Variants in GXYLT1 observed in about 807,000 individuals in gnomAD.
GXYLT1 encodes glycosyltransferase 8 domain containing 3.
A neutral mutation model predicts 54.0 loss-of-function variants in GXYLT1; 29 were observed. The observed-to-expected ratio is 0.54, with a 90% CI of 0.40 to 0.73. The LOEUF is 0.73. Among genes scored for constraint, GXYLT1 ranks in the 30% least tolerant of loss-of-function variants. GXYLT1 has a pLI of 0.00. For synonymous variants in GXYLT1, 176 were observed against 204.1 expected (o/e 0.86, Z 1.17); for missense variants, 490 against 553.4 (o/e 0.89, Z 1.15).
At position 42,086,293 on chromosome 12, in the gene GXYLT1, T is replaced by TAGG. The variant is rs1372556579; in HGVS notation, c.*1492_*1493insCCT. ...TTATCAACTTCTAATGCACCCTGCT[T>TAGG]AAACTTTCCTCTCTCAATTTGTCCC... On this transcript the variant is annotated 3_prime_UTR_variant, in exon 8 of 8. Coordinates refer to ENST00000398675, the MANE Select transcript of GXYLT1 (RefSeq NM_173601.2). 1 of 152,302 alleles carries TAGG rather than the reference T, an allele frequency of 6.6e-6. No homozygotes were observed. Among genetic ancestry groups the TAGG allele is most frequent in the Non-Finnish European group, 1.5e-5 (1 of 68,100 alleles). 9.4% of individuals were successfully genotyped at this position (152,302 alleles called of 1,614,324 possible).
chr12:42,090,400 C>G (rs1240494968), intron 7 of GXYLT1, among the ~76,000 whole-genome samples: 1 of 152,190 alleles, frequency 6.6e-6, no homozygotes, highest in African/African-American at 2.4e-5. Flanking sequence ...ATACTATATA[C>G]TATGCCTGAC....
Position 42,086,949 on chromosome 12 carries a change from A to G in GXYLT1, c.*837T>C, listed in dbSNP as rs2065297292. 1 of 152,140 alleles carries G rather than the reference A, an allele frequency of 6.6e-6. No individual in the cohort carries two copies. The highest frequency in any genetic ancestry group is 1.5e-5 in the Non-Finnish European group (1 of 68,024). The allele number at this position is 152,140 out of a possible 1,614,324, so 9.4% of individuals were successfully genotyped here. On this transcript the variant is annotated 3_prime_UTR_variant, in exon 8 of 8. Coordinates refer to ENST00000398675, the MANE Select transcript of GXYLT1 (RefSeq NM_173601.2). The stretch of plus-strand genomic sequence containing the variant: ...AGTATACTCTTAAGGTTCTCACTTT[A>G]CCATCAGCATAATATATTTTGCTTC...
intron 1 of GXYLT1, among the ~76,000 whole-genome samples, chr12:42,134,977 C>A (rs1045493061): frequency 6.6e-6 from 1 of 152,204 alleles, no homozygotes; most frequent in Non-Finnish European, 1.5e-5. Flanking sequence ...CAGTTATTCA[C>A]TCCCCACATT....
intron 2 of GXYLT1, among the ~76,000 whole-genome samples, chr12:42,125,331 T>C (rs555151421): frequency 2.2e-4 from 33 of 152,262 alleles, no homozygotes; most frequent in South Asian, 1.4e-3. Flanking sequence ...TCTGAGGCAT[T>C]TGAATCAGAA....
chr12:42,089,452 G>A (rs1424808234), intron 7 of GXYLT1, among the ~76,000 whole-genome samples: 5 of 152,054 alleles, frequency 3.3e-5, no homozygotes, highest in African/African-American at 1.2e-4. Context: ...AAACCTGCAC[G>A]TTGTGCATAT....
intron 3 of GXYLT1, among the ~76,000 whole-genome samples, chr12:42,114,577 C>A (rs1034232396): frequency 1.3e-5 from 2 of 152,030 alleles, no homozygotes; most frequent in African/African-American, 4.8e-5. Context: ...AAGACTAAAC[C>A]AGGAAGAAGT....
intron 7 of GXYLT1, among the ~76,000 whole-genome samples, chr12:42,090,243 C>T (rs962021711): frequency 6.6e-6 from 1 of 152,136 alleles, no homozygotes; most frequent in East Asian, 1.9e-4. Context: ...CCAAAATTTC[C>T]ACCTATATAA....
Position 42,143,254 on chromosome 12 carries a change from A to C in GXYLT1, c.221+1172T>G, listed in dbSNP as rs144947054. ...TGCAAATGCTTCACAATAACATACT[A>C]GGCCATAAACAGTTTAGCTTCAACC... On this transcript the variant is annotated intron_variant, in intron 1 of 7. Coordinates refer to ENST00000398675, the MANE Select transcript of GXYLT1 (RefSeq NM_173601.2). 2.6e-5 allele frequency among the ~76,000 whole-genome samples: 4 copies of C among 152,212 alleles called. No individual in the cohort carries two copies. The East Asian group carries it at 7.7e-4, about 29-fold the overall frequency.
chr12:42,097,169 T>A (rs1278027963), intron 7 of GXYLT1, among the ~76,000 whole-genome samples: 1 of 146,576 alleles, frequency 6.8e-6, no homozygotes, highest in South Asian at 2.2e-4. Flanking sequence ...ATTCTTAGTT[T>A]AAAAAAAAAA....
chr12:42,119,898 T>C (rs886467764), intron 2 of GXYLT1, among the ~76,000 whole-genome samples: 4 of 152,200 alleles, frequency 2.6e-5, no homozygotes, highest in African/African-American at 4.8e-5. Context: ...TTCCACACTC[T>C]CAACCAGCTC....
At chr12:42,091,116 C>T (rs1300159116) in intron 7 of GXYLT1, among the ~76,000 whole-genome samples, 2 of 152,096 alleles carry the variant, frequency 1.3e-5, no homozygotes, top group African/African-American at 2.4e-5. Context: ...TTAAAAATTA[C>T]ACTTCTTACT....
chr12:42,142,809 T>G (rs761421220), intron 1 of GXYLT1, among the ~76,000 whole-genome samples: 1 of 152,180 alleles, frequency 6.6e-6, no homozygotes, highest in Non-Finnish European at 1.5e-5. Context: ...TGGTTTCTTA[T>G]GCGCGCAAAT....
intron 6 of GXYLT1, 134 bp from the exon 7 acceptor site, chr12:42,097,748 C>T: frequency 9.6e-7 from 1 of 1,043,928 alleles, no homozygotes. Flanking sequence ...ATTTAGATCT[C>T]TTCCAATTAA....
rs755791791 is a variant in GXYLT1 at position 42,105,862 on chromosome 12, C to T, written c.820G>A (p.Val274Ile). The change falls in exon 5 of 8, where the codon GTT becomes ATT. Residue 274 changes from valine to isoleucine, a missense_variant. Val to Ile is a conservative substitution (Grantham distance 29). Coordinates refer to ENST00000398675, the MANE Select transcript of GXYLT1 (RefSeq NM_173601.2). ...YYGKTGVNSG[V>I]MLMNMTRMRR... ...ATTCGAGTCATGTTCATCAACATAA[C>T]TCCAGAGTTTACTCCAGTTTTTCCA... 6 of 1,613,334 alleles carry T rather than the reference C, an allele frequency of 3.7e-6. No individual in the cohort carries two copies. Among genetic ancestry groups the T allele is most frequent in the Non-Finnish European group, 5.1e-6 (6 of 1,179,482 alleles).
In GXYLT1 at chr12:42,092,839, C is replaced by T. The variant is rs774290343; in HGVS notation, c.1161+4603G>A. On this transcript the variant is annotated intron_variant, in intron 7 of 7. Coordinates refer to ENST00000398675, the MANE Select transcript of GXYLT1 (RefSeq NM_173601.2). ...TTGGACCACACATAAAATACACTAACGCTAACAATAATGAGCTAAGAAAAA... is the reference window on the plus strand; with the variant it reads ...TTGGACCACACATAAAATACACTAATGCTAACAATAATGAGCTAAGAAAAA... Among the ~76,000 whole-genome samples the T allele has an allele frequency of 2.4e-4, 37 of 152,036 alleles. 1 individual carries two copies. Among genetic ancestry groups the T allele is most frequent in the Admixed American group, 1.3e-3 (20 of 15,280 alleles).
Position 42,084,351 on chromosome 12 carries a change from C to G in GXYLT1, c.*3435G>C, listed in dbSNP as rs1214804071. 1 of 152,320 alleles carries G rather than the reference C, an allele frequency of 6.6e-6. No individual in the cohort carries two copies. Among genetic ancestry groups the G allele is most frequent in the African/African-American group, 2.4e-5 (1 of 41,470 alleles). The allele number at this position is 152,320 out of a possible 1,614,324, so 9.4% of individuals were successfully genotyped here. ...GATTTAGTTACATCATTCTTTTCTT[C>G]TCTACTTTCTCTTCCTGAAAAACTC... On this transcript the variant is annotated 3_prime_UTR_variant, in exon 8 of 8. Coordinates refer to ENST00000398675, the MANE Select transcript of GXYLT1 (RefSeq NM_173601.2).
chr12:42,110,984 G>T (rs970581027), intron 3 of GXYLT1, among the ~76,000 whole-genome samples: 3 of 152,150 alleles, frequency 2.0e-5, no homozygotes, highest in Non-Finnish European at 2.9e-5. Context: ...CAATAATTCA[G>T]CCAGGTGTAA....
chr12:42,089,741 C>A (rs1178106911), intron 7 of GXYLT1, among the ~76,000 whole-genome samples: 1 of 152,126 alleles, frequency 6.6e-6, no homozygotes, highest in East Asian at 1.9e-4. Flanking sequence ...GTTCAAAAAT[C>A]CTGTTGAAGG....
chr12:42,105,434 G>A (rs922007313), intron 5 of GXYLT1, among the ~76,000 whole-genome samples: 1 of 152,190 alleles, frequency 6.6e-6, no homozygotes, highest in Non-Finnish European at 1.5e-5. Flanking sequence ...ACAGGTTGCA[G>A]AGTCTATGCT....
Sources: allele counts gnomAD v4.1 joint callset (sites outside exome capture counted in the v4.1 genomes callset), GRCh38; gene constraint gnomAD v4.1.1; transcripts MANE v1.5; gene names NCBI Gene and HGNC (gene_info 2026-07-23, HGNC 2026-07-21).